The following AKAP13 variants were observed in gnomAD, a reference collection of about 807,000 sequenced individuals.
AKAP13 encodes A-kinase anchor protein 13.
In AKAP13, 80 loss-of-function variants were observed where a neutral mutation model predicts 264.5. The observed-to-expected ratio is 0.30, with a 90% CI of 0.25 to 0.36. The LOEUF is 0.36. Among genes scored for constraint, AKAP13 ranks in the 10% least tolerant of loss-of-function variants. The pLI, the probability that AKAP13 is intolerant of heterozygous loss-of-function variation, is 1.00. For missense variants in AKAP13, 3,712 were observed against 3,435.2 expected, an observed-to-expected ratio of 1.08 and a Z score of -2.01; for synonymous variants, 1,380 against 1,250.2, an observed-to-expected ratio of 1.10 and a Z score of -2.19.
intron 2 of AKAP13, among the ~76,000 whole-genome samples, chr15:85,500,852 T>C (rs1361689645): frequency 6.6e-6 from 1 of 152,212 alleles, no homozygotes; most frequent in Non-Finnish European, 1.5e-5. Flanking sequence ...TTCACAAAGC[T>C]CTGTGTCTGG....
chr15:85,560,186 T>G (rs901131779), intron 5 of AKAP13, among the ~76,000 whole-genome samples: 2 of 149,718 alleles, frequency 1.3e-5, no homozygotes, highest in Non-Finnish European at 3.0e-5. Context: ...CAATTAATTC[T>G]TCCTCTTGCT....
Position 85,430,553 on chromosome 15 carries a change from A to G in AKAP13, c.-12+49755A>G, listed in dbSNP as rs145562495. 6.7e-4 allele frequency among the ~76,000 whole-genome samples: 102 copies of G among 152,318 alleles called. 1 individual carries two copies. Among genetic ancestry groups the G allele is most frequent in the African/African-American group, 2.2e-3 (93 of 41,572 alleles). ...TCTTAAAGGCTATATGTTGTACTTC[A>G]CTGAACCACCTGTACAGCTAAGCTG... On this transcript the variant is annotated intron_variant, in intron 1 of 36. Coordinates refer to ENST00000394518, the MANE Select transcript of AKAP13 (RefSeq NM_007200.5).
intron 9 of AKAP13, among the ~76,000 whole-genome samples, chr15:85,641,323 G>C (rs991914538): frequency 6.6e-6 from 1 of 151,098 alleles, no homozygotes; most frequent in African/African-American, 2.4e-5. Context: ...GCACGCCTCT[G>C]TAGTCCCAGA....
chr15:85,732,548 G>T (rs982162802), intron 30 of AKAP13, among the ~76,000 whole-genome samples: 1 of 149,706 alleles, frequency 6.7e-6, no homozygotes, highest in Non-Finnish European at 1.5e-5. Context: ...TTACACTTTC[G>T]AATTCACATT....
intron 25 of AKAP13, 129 bp from the exon 26 acceptor site, chr15:85,722,943 G>A (rs770708213): frequency 1.5e-4 from 185 of 1,237,466 alleles, no homozygotes; most frequent in East Asian, 4.1e-4. Context: ...GATCTCTGAC[G>A]TGTTGGCTTC....
intron 5 of AKAP13, among the ~76,000 whole-genome samples, chr15:85,553,851 G>A (rs567945619): frequency 3.0e-4 from 45 of 152,252 alleles, no homozygotes; most frequent in Non-Finnish European, 5.3e-4. Context: ...AAACCGTATC[G>A]TGAACTGCAT....
chr15:85,579,884 C>T lies in AKAP13; in HGVS notation c.1816C>T (p.Leu606Phe), dbSNP rs1268821210. ...KISDGLEPYT[L>F]LAAGIGEAMS... ...TTCAGATGGATTAGAACCTTATACT[C>T]TCTTAGCAGCAGGCATAGGTGAGGC... Residue 606 changes from leucine to phenylalanine, a missense_variant, in exon 7 of 37, where the codon CTC becomes TTC. Leu to Phe is a conservative substitution (Grantham distance 22). Around this residue, in one of 3 missense-constraint regions of AKAP13, gnomAD observed 2,759 missense variants for 2,411.7 expected, o/e 1.14. Coordinates refer to ENST00000394518, the MANE Select transcript of AKAP13 (RefSeq NM_007200.5). 1.9e-6 allele frequency: 3 copies of T among 1,614,094 alleles called. No individual in the cohort carries two copies. The highest frequency in any genetic ancestry group is 2.7e-5 in the African/African-American group (2 of 74,934).
chr15:85,742,280 C>G (rs1161448018), intron 35 of AKAP13, among the ~76,000 whole-genome samples: 3 of 152,164 alleles, frequency 2.0e-5, no homozygotes, highest in South Asian at 2.1e-4. Flanking sequence ...CGCCACTGCT[C>G]TGTGCCACAT....
chr15:85,672,156 C>T (rs917857551), intron 14 of AKAP13, among the ~76,000 whole-genome samples: 8 of 152,178 alleles, frequency 5.3e-5, no homozygotes, highest in Non-Finnish European at 1.2e-4. Flanking sequence ...AAAAGTGGAG[C>T]TTCAAGCAAG....
At chr15:85,640,409 C>G (rs1314198822) in intron 9 of AKAP13, among the ~76,000 whole-genome samples, 1 of 152,160 alleles carries the variant, frequency 6.6e-6, no homozygotes, top group Non-Finnish European at 1.5e-5. Context: ...TAGATACCCT[C>G]CAGTAGTATT....
chr15:85,449,295 T>C (rs182254224), intron 1 of AKAP13, among the ~76,000 whole-genome samples: 7 of 152,348 alleles, frequency 4.6e-5, no homozygotes, highest in Non-Finnish European at 7.3e-5. Flanking sequence ...GCAACTTTGC[T>C]GAAGTTGTTT....
chr15:85,727,904 T>C lies in AKAP13; in HGVS notation c.7087+441T>C, dbSNP rs1316159104. 6.6e-6 allele frequency among the ~76,000 whole-genome samples: 1 copy of C among 152,206 alleles called. No individual in the cohort carries two copies. The highest frequency in any genetic ancestry group is 1.5e-5 in the Non-Finnish European group (1 of 68,024). ...TATCCGCATGTTTACAAATGAGTTG[T>C]GAGGTGAAGTTTTGGGAGCAGGGTA... On this transcript the variant is annotated intron_variant, in intron 29 of 36. Transcript: ENST00000394518. This position sits in a 1 kb window ranked among gnomAD's most constrained non-coding sequence, Gnocchi z 5.3.
At chr15:85,470,730 A>G (rs1489061391) in intron 1 of AKAP13, among the ~76,000 whole-genome samples, 1 of 152,210 alleles carries the variant, frequency 6.6e-6, no homozygotes, top group African/African-American at 2.4e-5. Context: ...GCCAGCATGC[A>G]TCTGACAGAC....
intron 8 of AKAP13, among the ~76,000 whole-genome samples, chr15:85,605,864 A>G (rs1364558611): frequency 6.6e-6 from 1 of 152,108 alleles, no homozygotes; most frequent in Non-Finnish European, 1.5e-5. Flanking sequence ...AAAGTGGATT[A>G]AAATTTTTAA....
At chr15:85,543,269 C>T (rs1210666495) in intron 4 of AKAP13, among the ~76,000 whole-genome samples, 1 of 152,166 alleles carries the variant, frequency 6.6e-6, no homozygotes, top group Non-Finnish European at 1.5e-5. Flanking sequence ...CAAGCAGAAC[C>T]TGTTTTTAGT....
chr15:85,691,878 C>A (rs764583184), intron 16 of AKAP13: 6 of 489,898 alleles, frequency 1.2e-5, no homozygotes, highest in Admixed American at 2.1e-5. Flanking sequence ...GAGAGCACGG[C>A]GTAGGAAGCT....
At chr15:85,735,466 C>T in intron 31 of AKAP13, 94 bp from the exon 32 acceptor site, 1 of 1,321,088 alleles carries the variant, frequency 7.6e-7, no homozygotes, top group East Asian at 2.4e-5. Context: ...AGGTTTCAGA[C>T]ATACTACATC....
chr15:85,621,385 A>C (rs911415803), intron 8 of AKAP13: 8 of 152,116 alleles, frequency 5.3e-5, no homozygotes, highest in African/African-American at 1.9e-4. Flanking sequence ...GATATTATTC[A>C]TTTTGGTTTC....
At chr15:85,550,569 C>T (rs1199824519) in intron 5 of AKAP13, among the ~76,000 whole-genome samples, 1 of 152,200 alleles carries the variant, frequency 6.6e-6, no homozygotes, top group African/African-American at 2.4e-5. Context: ...AGATGTTCTG[C>T]CAACATAGTA....
Sources: allele counts gnomAD v4.1 joint callset (sites outside exome capture counted in the v4.1 genomes callset), GRCh38; gene constraint gnomAD v4.1.1; regional missense constraint gnomAD v4.1.1; non-coding constraint Gnocchi (gnomAD v3.1); transcripts MANE v1.5; gene names NCBI Gene and HGNC (gene_info 2026-07-23, HGNC 2026-07-21).